The following BLTP3B variants were observed in gnomAD, a reference collection of about 807,000 sequenced individuals.
BLTP3B encodes UHRF1 (ICBP90) binding protein 1-like.
chr12:100,086,200 A>G, the BLTP3B span: 1 of 963,440 alleles, frequency 1.0e-6, no homozygotes, highest in Non-Finnish European at 1.4e-6. Context: ...AAAGCAAGAT[A>G]AAACTAAACT....
the BLTP3B span, among the ~76,000 whole-genome samples, chr12:100,132,545 CTA>C: frequency 6.6e-6 from 1 of 152,208 alleles, no homozygotes; most frequent in Non-Finnish European, 1.5e-5. Context: ...ACCTTCTCCA[CTA>C]TGTTGTCATG....
the BLTP3B span, among the ~76,000 whole-genome samples, chr12:100,040,957 T>C: frequency 6.6e-6 from 1 of 152,126 alleles, no homozygotes; most frequent in African/African-American, 2.4e-5. Flanking sequence ...CCAAACTTTC[T>C]ATGAAGGCAG....
chr12:100,124,361 G>C, the BLTP3B span, among the ~76,000 whole-genome samples: 1 of 151,752 alleles, frequency 6.6e-6, no homozygotes. Context: ...CCAGCACTAA[G>C]GGAGGCTGAG....
At chr12:100,107,392 A>C in the BLTP3B span, among the ~76,000 whole-genome samples, 1 of 151,480 alleles carries the variant, frequency 6.6e-6, no homozygotes, top group Non-Finnish European at 1.5e-5. Flanking sequence ...AAAAATCTCA[A>C]AATGGGCTGG....
At chr12:100,074,149 T>A in the BLTP3B span, among the ~76,000 whole-genome samples, 1 of 152,194 alleles carries the variant, frequency 6.6e-6, no homozygotes, top group Non-Finnish European at 1.5e-5. Flanking sequence ...CCATGACTGA[T>A]AAGCAACTTC....
chr12:100,115,258 T>C, the BLTP3B span, among the ~76,000 whole-genome samples: 1 of 151,920 alleles, frequency 6.6e-6, no homozygotes, highest in Non-Finnish European at 1.5e-5. Flanking sequence ...TACCAAACAT[T>C]AGCCAGATGT....
the BLTP3B span, among the ~76,000 whole-genome samples, chr12:100,119,517 G>T: frequency 2.0e-5 from 3 of 152,074 alleles, no homozygotes; most frequent in Non-Finnish European, 4.4e-5. Context: ...AACAAAGTTG[G>T]AAACATTATA....
At chr12:100,096,659 A>C in the BLTP3B span, among the ~76,000 whole-genome samples, 1 of 151,974 alleles carries the variant, frequency 6.6e-6, no homozygotes, top group Admixed American at 6.6e-5. Flanking sequence ...TCTCTACAAA[A>C]AAAAAATAAA....
the BLTP3B span, among the ~76,000 whole-genome samples, chr12:100,093,525 A>G: frequency 2.0e-5 from 3 of 152,238 alleles, no homozygotes; most frequent in Non-Finnish European, 4.4e-5. Flanking sequence ...ATGAATAGCA[A>G]TATTTCAAAT....
chr12:100,140,654 G>A, the BLTP3B span, among the ~76,000 whole-genome samples: 8 of 126,844 alleles, frequency 6.3e-5, no homozygotes, highest in Non-Finnish European at 7.7e-5. Flanking sequence ...GCCGTGAGCC[G>A]AGATCATGCC....
chr12:100,075,312 A>G, the BLTP3B span, among the ~76,000 whole-genome samples: 2 of 151,924 alleles, frequency 1.3e-5, no homozygotes, highest in South Asian at 2.1e-4. Context: ...GCCCGGCTAC[A>G]CCTTCTACTA....
chr12:100,042,543 A>G, the BLTP3B span, among the ~76,000 whole-genome samples: 2 of 152,232 alleles, frequency 1.3e-5, no homozygotes, highest in Admixed American at 1.3e-4. Flanking sequence ...TTAACGGCTA[A>G]TTCTATAAAA....
chr12:100,107,936 C>T, the BLTP3B span, among the ~76,000 whole-genome samples: 1 of 152,024 alleles, frequency 6.6e-6, no homozygotes, highest in East Asian at 1.9e-4. Context: ...TAGATGCAGT[C>T]TCATTATGTT....
chr12:100,054,409 T>C, the BLTP3B span, among the ~76,000 whole-genome samples: 2 of 152,172 alleles, frequency 1.3e-5, no homozygotes, highest in Non-Finnish European at 2.9e-5. Flanking sequence ...CAAATTGTGG[T>C]TGTATTTTCC....
the BLTP3B span, chr12:100,058,272 G>C: frequency 6.2e-7 from 1 of 1,613,588 alleles, no homozygotes; most frequent in African/African-American, 1.3e-5. Context: ...TGTATAAAAT[G>C]AATCCTTTTT....
the BLTP3B span, chr12:100,142,727 C>G: frequency 6.6e-7 from 1 of 1,525,244 alleles, no homozygotes; most frequent in Non-Finnish European, 8.8e-7. Flanking sequence ...CTAGCCCGGC[C>G]GGCGGAGAGG....
chr12:100,067,281 C>T, the BLTP3B span, among the ~76,000 whole-genome samples: 2,086 of 152,014 alleles, frequency 0.014, 18 homozygotes, highest in Non-Finnish European at 0.021. Context: ...CCTCAAGGAA[C>T]TAGAGAAACA....
chr12:100,142,777 C>T, the BLTP3B span: 1 of 1,283,594 alleles, frequency 7.8e-7, no homozygotes, highest in Non-Finnish European at 1.0e-6. Flanking sequence ...AAGGCCCCGG[C>T]CAAGGCCACA....
At chr12:100,094,105 T>G in the BLTP3B span, among the ~76,000 whole-genome samples, 2 of 152,284 alleles carry the variant, frequency 1.3e-5, no homozygotes, top group South Asian at 4.1e-4. Flanking sequence ...CTACAATGAT[T>G]TGGGGATTTG....
Sources: allele counts gnomAD v4.1 joint callset (sites outside exome capture counted in the v4.1 genomes callset), GRCh38; gene constraint gnomAD v4.1.1; transcripts MANE v1.5; gene names NCBI Gene and HGNC (gene_info 2026-07-23, HGNC 2026-07-21).